EFR3A: variants seen among roughly 807,000 people sequenced by gnomAD.
EFR3A encodes the protein EFR3 homolog A, also known as protein EFR3 homolog A.
In EFR3A, 76 loss-of-function variants were observed where a neutral mutation model predicts 104.4. That is an observed-to-expected ratio of 0.73 (90% confidence interval 0.60 to 0.88). The LOEUF is 0.88. Among genes scored for constraint, EFR3A ranks in the 40% least tolerant of loss-of-function variants. The pLI, the probability that EFR3A is intolerant of heterozygous loss-of-function variation, is 0.00. For missense variants in EFR3A, 985 were observed against 1,012.5 expected (o/e 0.97, Z 0.37); for synonymous variants, 330 against 330.0 (o/e 1.00, Z 0.00).
intron 5 of EFR3A, among the ~76,000 whole-genome samples, chr8:131,951,426 C>T (rs901745939): frequency 2.8e-4 from 42 of 152,028 alleles, no homozygotes; most frequent in African/African-American, 9.7e-4. Flanking sequence ...TTTTCTCTCT[C>T]TAAAGGATAT....
intron 7 of EFR3A, among the ~76,000 whole-genome samples, chr8:131,956,930 A>G (rs1463515433): frequency 2.6e-5 from 4 of 152,170 alleles, no homozygotes; most frequent in Non-Finnish European, 5.9e-5. Flanking sequence ...TAACGTCAGA[A>G]TTCCATTTTT....
chr8:131,918,173 G>T (rs940263415), intron 1 of EFR3A, among the ~76,000 whole-genome samples: 1 of 152,170 alleles, frequency 6.6e-6, no homozygotes, highest in Non-Finnish European at 1.5e-5. Context: ...TGCAATTCCA[G>T]CTACTCAGGA....
Position 131,953,961 on chromosome 8 carries a change from T to C in EFR3A, c.632T>C (p.Val211Ala). The change falls in exon 6 of 23, where the codon GTT (valine) becomes GCT (alanine). Residue 211 changes from valine (V) to alanine (A), a missense_variant. Physicochemically the swap from Val to Ala is moderately conservative, Grantham distance 64. Transcript: ENST00000254624. ...TTTAACATGCAAAAGATAGAAGAAG[T>C]TGACAGGTATTTAAAAAAATATTAG... Reference protein sequence around the residue: ...LLFNMQKIEEVDSRIGPPSSP... With the variant: ...LLFNMQKIEEADSRIGPPSSP... The C allele has an allele frequency of 6.5e-7, 1 of 1,536,764 alleles. No individual in the cohort carries two copies. Among genetic ancestry groups the C allele is most frequent in the Admixed American group, 2.1e-5 (1 of 47,134 alleles).
chr8:131,964,005 T>C (rs1819551896), intron 8 of EFR3A, among the ~76,000 whole-genome samples: 1 of 152,162 alleles, frequency 6.6e-6, no homozygotes, highest in African/African-American at 2.4e-5. Flanking sequence ...GAAAAGGCCT[T>C]TGACAAAATT....
intron 10 of EFR3A, 35 bp downstream of exon 10, chr8:131,970,678 A>C: frequency 6.3e-7 from 1 of 1,585,292 alleles, no homozygotes; most frequent in Non-Finnish European, 8.6e-7. Context: ...CTATCATGTA[A>C]AACAGTGATT....
chr8:131,931,758 C>G (rs949824785), intron 1 of EFR3A, among the ~76,000 whole-genome samples: 1 of 151,926 alleles, frequency 6.6e-6, no homozygotes, highest in Non-Finnish European at 1.5e-5. Flanking sequence ...CAGCTAACAT[C>G]TTAGGGTTTT....
At chr8:131,919,147 C>G (rs949846631) in intron 1 of EFR3A, among the ~76,000 whole-genome samples, 4 of 151,786 alleles carry the variant, frequency 2.6e-5, no homozygotes, top group East Asian at 1.9e-4. Context: ...TCTTTTTTCC[C>G]CCCATATTCA....
At chr8:131,950,336 CCTT>C (rs1818636989) in intron 5 of EFR3A, among the ~76,000 whole-genome samples, 1 of 152,234 alleles carries the variant, frequency 6.6e-6, no homozygotes, top group African/African-American at 2.4e-5. Context: ...CAGATCCTGT[CCTT>C]CTATCATTTC....
At chr8:131,943,008 GA>G (rs1818238629) in intron 2 of EFR3A, among the ~76,000 whole-genome samples, 1 of 152,082 alleles carries the variant, frequency 6.6e-6, no homozygotes, top group Non-Finnish European at 1.5e-5. Flanking sequence ...TGTAAATGAT[GA>G]AAATGTTCTT....
intron 12 of EFR3A, among the ~76,000 whole-genome samples, chr8:131,978,519 G>C (rs1311769821): frequency 6.6e-6 from 1 of 152,080 alleles, no homozygotes; most frequent in East Asian, 1.9e-4. Flanking sequence ...TAACCTCTCT[G>C]TGCCTCAGTT....
chr8:131,936,272 TAAAAC>T (rs1817875357), intron 1 of EFR3A, among the ~76,000 whole-genome samples: 2 of 152,256 alleles, frequency 1.3e-5, no homozygotes, highest in Admixed American at 6.5e-5. Flanking sequence ...GTTGAGTAGA[TAAAAC>T]AAACTGCTTG....
At chr8:131,920,861 C>T (rs1816980003) in intron 1 of EFR3A, among the ~76,000 whole-genome samples, 1 of 152,004 alleles carries the variant, frequency 6.6e-6, no homozygotes, top group Non-Finnish European at 1.5e-5. Flanking sequence ...CAATACCTAC[C>T]TCATAGGGTC....
chr8:131,965,214 A>G (rs182917272), intron 8 of EFR3A, among the ~76,000 whole-genome samples: 1 of 152,204 alleles, frequency 6.6e-6, no homozygotes, highest in Non-Finnish European at 1.5e-5. Context: ...CAATTGACAA[A>G]TGGGATCTAA....
chr8:131,927,269 A>G (rs1245455028), intron 1 of EFR3A, among the ~76,000 whole-genome samples: 1 of 152,216 alleles, frequency 6.6e-6, no homozygotes. Flanking sequence ...CAACATGAGC[A>G]GAAGCCTGGC....
chr8:131,910,031 C>T (rs1181365917), intron 1 of EFR3A, among the ~76,000 whole-genome samples: 1 of 152,214 alleles, frequency 6.6e-6, no homozygotes, highest in Admixed American at 6.5e-5. Context: ...GGACCCTGGC[C>T]TGGGATTGAC....
intron 19 of EFR3A, among the ~76,000 whole-genome samples, chr8:132,000,501 A>C (rs1044665226): frequency 2.0e-5 from 3 of 152,152 alleles, no homozygotes; most frequent in Non-Finnish European, 2.9e-5. Flanking sequence ...CAAAAAGTGA[A>C]GAGTTAGTAG....
chr8:131,991,584 G>A (rs1821185562), intron 18 of EFR3A, among the ~76,000 whole-genome samples: 1 of 152,096 alleles, frequency 6.6e-6, no homozygotes, highest in African/African-American at 2.4e-5. Flanking sequence ...GTGAGGGTTA[G>A]GAGGTTATAA....
intron 8 of EFR3A, among the ~76,000 whole-genome samples, chr8:131,965,831 A>G (rs1193259561): frequency 1.3e-5 from 2 of 152,024 alleles, no homozygotes; most frequent in Non-Finnish European, 2.9e-5. Context: ...ACAATGATAG[A>G]CTGGATTAAG....
intron 2 of EFR3A, among the ~76,000 whole-genome samples, chr8:131,943,816 T>C (rs986075099): frequency 2.0e-5 from 3 of 152,008 alleles, no homozygotes; most frequent in Non-Finnish European, 4.4e-5. Flanking sequence ...AAAGCAGGGA[T>C]GTTTTGCCAG....
Sources: gnomAD v4.1 joint callset for allele counts (sites outside exome capture counted in the v4.1 genomes callset) on GRCh38, gnomAD v4.1.1 for gene constraint, MANE v1.5 for transcripts, NCBI Gene and HGNC (gene_info 2026-07-23, HGNC 2026-07-21) for gene names.